LRRC7: variants seen among roughly 807,000 people sequenced by gnomAD.
LRRC7 encodes the protein leucine-rich repeat-containing protein 7.
In LRRC7, 23 loss-of-function variants were observed where a neutral mutation model predicts 175.7. The observed-to-expected ratio is 0.13, with a 90% CI of 0.09 to 0.19. LRRC7 has a LOEUF of 0.19. Ranked by LOEUF, LRRC7 falls within the 10% of genes least tolerant of loss-of-function variation. LRRC7 has a pLI of 1.00. For missense variants in LRRC7, 1,354 were observed against 1,904.7 expected (o/e 0.71, Z 5.38); for synonymous variants, 685 against 680.9 (o/e 1.01, Z -0.09).
At position 69,724,151 on chromosome 1, in the gene LRRC7, T is replaced by C. The variant is rs561585412; in HGVS notation, c.101-36040T>C. Among the ~76,000 whole-genome samples the C allele has an allele frequency of 5.9e-5, 9 of 152,242 alleles. No homozygotes were observed. The South Asian group carries it at 1.9e-3, about 32-fold the overall frequency. ...ATTTTTCATTGCTTCTTTTTCCTCATCTGTGAAAAAAATGGATATAATTGT... is the reference window on the plus strand; with the variant it reads ...ATTTTTCATTGCTTCTTTTTCCTCACCTGTGAAAAAAATGGATATAATTGT... On this transcript the variant is annotated intron_variant, in intron 2 of 26. Transcript: ENST00000651989.
intron 2 of LRRC7, among the ~76,000 whole-genome samples, chr1:69,720,740 A>G (rs1221644746): frequency 2.0e-5 from 3 of 151,734 alleles, no homozygotes; most frequent in Non-Finnish European, 4.4e-5. Context: ...TCTAGCTTTC[A>G]TCCTCTCTGT....
In LRRC7 at chr1:70,028,206, C is replaced by T; in HGVS notation, c.1830C>T (p.Tyr610=). 1 of 1,613,674 alleles carries T rather than the reference C, an allele frequency of 6.2e-7. No homozygotes were observed. The highest frequency in any genetic ancestry group is 1.7e-5 in the Admixed American group (1 of 59,996). The change falls in exon 18 of 27, where the codon TAC becomes TAT. Residue 610 remains tyrosine (Y), a synonymous_variant. Coordinates refer to ENST00000651989, the MANE Select transcript of LRRC7 (RefSeq NM_001370785.2). Reference sequence around the variant, plus strand: ...ACCTAAAACGATATCCAACTCCTTACCCAGAGGATTTAAAGAATATGGTAA... The same window carrying T: ...ACCTAAAACGATATCCAACTCCTTATCCAGAGGATTTAAAGAATATGGTAA... The part of the protein sequence containing the change: ...EINLKRYPTP[Y]PEDLKNMVKS...
intron 1 of LRRC7, among the ~76,000 whole-genome samples, chr1:69,637,098 T>C (rs577640825): frequency 0.013 from 1,468 of 109,890 alleles, 26 homozygotes; most frequent in African/African-American, 0.04. Context: ...CTCTCTCTCT[T>C]CCCCTCCCCC....
At chr1:69,859,633 G>A (rs1463976931) in intron 7 of LRRC7, among the ~76,000 whole-genome samples, 4 of 151,866 alleles carry the variant, frequency 2.6e-5, no homozygotes, top group Admixed American at 1.3e-4. Context: ...TTTAACAGGT[G>A]TTCATTAATC....
chr1:69,604,761 T>C (rs1362623806), intron 1 of LRRC7, among the ~76,000 whole-genome samples: 1 of 152,054 alleles, frequency 6.6e-6, no homozygotes, highest in Non-Finnish European at 1.5e-5. Context: ...TGTATTAGGG[T>C]GGCTCTAAGG....
chr1:69,895,587 G>A (rs150633821), intron 7 of LRRC7, among the ~76,000 whole-genome samples: 2 of 152,190 alleles, frequency 1.3e-5, no homozygotes, highest in Non-Finnish European at 2.9e-5. Context: ...GTGTCCCCAA[G>A]GCACTGTTCA....
At chr1:69,748,928 C>A (rs544820160) in intron 2 of LRRC7, among the ~76,000 whole-genome samples, 2 of 152,224 alleles carry the variant, frequency 1.3e-5, no homozygotes, top group South Asian at 4.1e-4. Context: ...AAAGTTAGAT[C>A]TTTGAGAGTA....
At chr1:69,972,329 A>G (rs1652320902) in intron 8 of LRRC7, among the ~76,000 whole-genome samples, 1 of 152,274 alleles carries the variant, frequency 6.6e-6, no homozygotes, top group African/African-American at 2.4e-5. Context: ...GAGTAAACAG[A>G]CAACCCACGG....
intron 16 of LRRC7, 147 bp downstream of exon 16, chr1:70,021,276 GA>G (rs1326843689): frequency 1.4e-6 from 1 of 722,716 alleles, no homozygotes; most frequent in East Asian, 3.2e-5. Flanking sequence ...GGTAGTTCTG[GA>G]AGCATTGGTG....
chr1:69,966,736 A>G (rs1410393114), intron 8 of LRRC7, among the ~76,000 whole-genome samples: 2 of 152,238 alleles, frequency 1.3e-5, no homozygotes, highest in South Asian at 2.1e-4. Context: ...TCTAGATTAC[A>G]GAAGAAGATT....
chr1:70,041,239 C>T (rs10493468), intron 21 of LRRC7, among the ~76,000 whole-genome samples: 57,771 of 152,036 alleles, frequency 0.38, 11,242 homozygotes, highest in East Asian at 0.49. Flanking sequence ...CTGAATTTTA[C>T]GTTTACAGGT....
At chr1:69,622,664 G>T (rs1351563613) in intron 1 of LRRC7, among the ~76,000 whole-genome samples, 1 of 152,162 alleles carries the variant, frequency 6.6e-6, no homozygotes, top group African/African-American at 2.4e-5. Flanking sequence ...GAGGGTGGTG[G>T]TGGTTAGAAG....
chr1:69,777,931 C>T (rs1476634113), intron 3 of LRRC7, among the ~76,000 whole-genome samples: 1 of 152,152 alleles, frequency 6.6e-6, no homozygotes, highest in Admixed American at 6.5e-5. Flanking sequence ...AAGGAAGTTA[C>T]CTGTCTCTTC....
chr1:69,591,202 C>G (rs1646619811), intron 1 of LRRC7, among the ~76,000 whole-genome samples: 1 of 152,042 alleles, frequency 6.6e-6, no homozygotes, highest in Non-Finnish European at 1.5e-5. Context: ...TGAAACTTTT[C>G]AAAGATTTCC....
At chr1:69,888,315 T>G (rs990309627) in intron 7 of LRRC7, among the ~76,000 whole-genome samples, 3 of 152,140 alleles carry the variant, frequency 2.0e-5, no homozygotes, top group Non-Finnish European at 4.4e-5. Flanking sequence ...GGATATAATC[T>G]CATGGTGCGC....
chr1:69,988,302 G>A (rs1462307932), intron 10 of LRRC7, among the ~76,000 whole-genome samples: 1 of 152,136 alleles, frequency 6.6e-6, no homozygotes, highest in Non-Finnish European at 1.5e-5. Context: ...AGGCATGGTG[G>A]CATGTGCCAA....
chr1:69,923,916 T>C (rs1013105768), intron 7 of LRRC7, among the ~76,000 whole-genome samples: 1 of 151,756 alleles, frequency 6.6e-6, no homozygotes, highest in Non-Finnish European at 1.5e-5. Flanking sequence ...GGTTTTCTTC[T>C]AGGGTTTTTA....
At chr1:70,002,190 TATTCCTTC>T (rs1337610243) in intron 11 of LRRC7, among the ~76,000 whole-genome samples, 7 of 152,170 alleles carry the variant, frequency 4.6e-5, no homozygotes, top group Admixed American at 3.3e-4. Context: ...TTTTAAAAGC[TATTCCTTC>T]ATAGAGTGTG....
At chr1:69,853,270 C>CTTTTTTTTTTTTTTTT in intron 7 of LRRC7, among the ~76,000 whole-genome samples, 1 of 88,012 alleles carries the variant, frequency 1.1e-5, no homozygotes. Flanking sequence ...TCCTTTCTTT[C>CTTTTTTTTTTTTTTTT]TTTTTTTTTT....
Sources: gnomAD v4.1 joint callset for allele counts (sites outside exome capture counted in the v4.1 genomes callset) on GRCh38, gnomAD v4.1.1 for gene constraint, MANE v1.5 for transcripts, NCBI Gene and HGNC (gene_info 2026-07-23, HGNC 2026-07-21) for gene names.